The following KLHL15 variants were observed in gnomAD, a reference collection of about 807,000 sequenced individuals.
KLHL15 encodes the protein kelch like family member 15, also known as kelch-like protein 15.
KLHL15 carries 1 observed loss-of-function variant against 29.3 expected under a neutral mutation model. The observed-to-expected ratio is 0.03, with a 90% CI of 0.01 to 0.16. The LOEUF (loss-of-function observed/expected upper bound fraction) is 0.16, where lower values mean the gene tolerates loss of function less well. Ranked by LOEUF, KLHL15 falls within the 10% of genes least tolerant of loss-of-function variation. The probability of loss-of-function intolerance (pLI) is 1.00; values close to 1 mark genes in which losing one functional copy is unlikely to be tolerated. For synonymous variants in KLHL15, 212 were observed against 184.5 expected (o/e 1.15, Z -1.21); for missense variants, 215 against 478.5 (o/e 0.45, Z 5.14).
At position 24,025,346 on chromosome X, in the gene KLHL15, AAAGGGGCGGGG is replaced by A. The variant is rs778217475; in HGVS notation, c.-209-299_-209-289del. Among the ~76,000 whole-genome samples, 675 of 107,827 alleles carry A rather than the reference AAAGGGGCGGGG, an allele frequency of 6.3e-3. 3 individuals carry two copies. Among genetic ancestry groups the A allele is most frequent in the Non-Finnish European group, 0.011 (581 of 51,365 alleles). The allele number at this position is 107,827 out of a possible 115,157, so 93.6% of individuals were successfully genotyped here. A position where few individuals can be genotyped will look rare whatever the true frequency, so the allele number is the denominator to read the frequency against. ...CACGCCGGGGGTGGAGGAAGGCGGG[AAAGGGGCGGGG>A]AAGGGGCGGGGCGTGCGGGGCCACG... is the stretch of plus-strand genomic sequence containing the variant. On this transcript the variant is annotated intron_variant, in intron 1 of 3. Coordinates refer to ENST00000328046, the MANE Select transcript of KLHL15 (RefSeq NM_030624.3).
chrX:23,996,834 G>A (rs1315318545), intron 3 of KLHL15, among the ~76,000 whole-genome samples: 2 of 111,584 alleles, frequency 1.8e-5, no homozygotes, highest in African/African-American at 6.5e-5. Context: ...ATTGATTTAC[G>A]TAAAACAAAA....
intron 2 of KLHL15, among the ~76,000 whole-genome samples, chrX:24,012,857 C>T (rs755029913): frequency 1.4e-4 from 16 of 111,476 alleles, no homozygotes; most frequent in Non-Finnish European, 2.6e-4. Flanking sequence ...GATTCTACCA[C>T]ATTAAAGGTT....
chrX:24,026,157 C>G (rs1480072756), intron 1 of KLHL15, among the ~76,000 whole-genome samples: 1 of 111,978 alleles, frequency 8.9e-6, no homozygotes, highest in Non-Finnish European at 1.9e-5. Context: ...TATTGCGTCA[C>G]TGTCCACTTG....
At chrX:24,019,624 A>T (rs1340535718) in intron 2 of KLHL15, among the ~76,000 whole-genome samples, 4 of 107,278 alleles carry the variant, frequency 3.7e-5, no homozygotes, top group African/African-American at 1.4e-4. Context: ...GAACAACTGA[A>T]AGTGTAAGAG....
chrX:24,021,424 C>A (rs1929801453), intron 2 of KLHL15, among the ~76,000 whole-genome samples: 1 of 111,185 alleles, frequency 9.0e-6, no homozygotes, highest in South Asian at 3.7e-4. Context: ...GCCCCATCAA[C>A]CTGACAATCC....
At chrX:23,989,124 T>G in intron 3 of KLHL15, 94 bp from the exon 4 acceptor site, 1 of 732,102 alleles carries the variant, frequency 1.4e-6, no homozygotes, top group Non-Finnish European at 1.9e-6. Flanking sequence ...TTAGGCTCAC[T>G]TTACTAAAAC....
At chrX:24,007,507 AAATATATAT>A (rs1490184889) in intron 2 of KLHL15, among the ~76,000 whole-genome samples, 119 of 51,881 alleles carry the variant, frequency 2.3e-3, no homozygotes, top group African/African-American at 0.011. Flanking sequence ...AAAAAAAAAA[AAATATATAT>A]ATATATATAT....
intron 1 of KLHL15, among the ~76,000 whole-genome samples, chrX:24,026,713 T>A (rs1319824932): frequency 9.0e-6 from 1 of 111,431 alleles, no homozygotes; most frequent in African/African-American, 3.3e-5. Flanking sequence ...GCACACGGTG[T>A]ACTGTTTTGC....
intron 3 of KLHL15, among the ~76,000 whole-genome samples, chrX:24,002,473 A>T (rs961182348): frequency 8.9e-6 from 1 of 112,483 alleles, no homozygotes; most frequent in Non-Finnish European, 1.9e-5. Flanking sequence ...TAACTATGTC[A>T]GAAGGACAAG....
At chrX:24,009,401 G>A (rs1439633223) in intron 2 of KLHL15, among the ~76,000 whole-genome samples, 9 of 111,352 alleles carry the variant, frequency 8.1e-5, no homozygotes, top group Non-Finnish European at 1.7e-4. Context: ...GGGAGGCTGA[G>A]GCAGGAGAAT....
Position 23,996,136 on chromosome X carries a change from G to C in KLHL15, c.706-7106C>G, listed in dbSNP as rs571687172. On this transcript the variant is annotated intron_variant, in intron 3 of 3. Coordinates refer to ENST00000328046, the MANE Select transcript of KLHL15 (RefSeq NM_030624.3). ...ATTAGTTTATCTATCAGAAGGGGTG[G>C]AAGTGGGGGAGCAATTCCTGAACTT... 5.3e-5 allele frequency among the ~76,000 whole-genome samples: 6 copies of C among 112,255 alleles called. No homozygotes were observed. In the South Asian group the frequency reaches 1.5e-3, roughly 28 times the overall value.
intron 2 of KLHL15, among the ~76,000 whole-genome samples, chrX:24,016,581 C>T (rs1436579125): frequency 9.3e-6 from 1 of 107,483 alleles, no homozygotes; most frequent in Non-Finnish European, 1.9e-5. Context: ...GTGGGAGAAT[C>T]GCTTGAACCC....
intron 3 of KLHL15, among the ~76,000 whole-genome samples, chrX:23,999,152 G>A (rs1295186801): frequency 9.1e-6 from 1 of 110,422 alleles, no homozygotes; most frequent in Non-Finnish European, 1.9e-5. Context: ...CAGGTGATCT[G>A]CCCACCTTGG....
chrX:24,017,924 C>T (rs1929723778), intron 2 of KLHL15, among the ~76,000 whole-genome samples: 1 of 110,634 alleles, frequency 9.0e-6, no homozygotes, highest in Admixed American at 9.8e-5. Context: ...GCAATGTGGC[C>T]AGACCTCTTC....
At chrX:24,003,284 C>G (rs1380206885) in intron 3 of KLHL15, among the ~76,000 whole-genome samples, 7 of 109,523 alleles carry the variant, frequency 6.4e-5, no homozygotes, top group South Asian at 3.9e-4. Context: ...GGTGGCTCAC[C>G]CCTGTAATCC....
At chrX:23,995,280 G>A (rs912268295) in intron 3 of KLHL15, among the ~76,000 whole-genome samples, 24 of 109,576 alleles carry the variant, frequency 2.2e-4, no homozygotes, top group Middle Eastern at 4.6e-3. Flanking sequence ...GTTGGTGTGC[G>A]CCTGTAGTCC....
chrX:23,996,807 T>A (rs1036450383), intron 3 of KLHL15, among the ~76,000 whole-genome samples: 1 of 112,181 alleles, frequency 8.9e-6, no homozygotes, highest in Non-Finnish European at 1.9e-5. Flanking sequence ...AAAATCTTGC[T>A]CAGAACTAAA....
At chrX:24,023,126 T>C (rs1487151468) in intron 2 of KLHL15, among the ~76,000 whole-genome samples, 1 of 111,829 alleles carries the variant, frequency 8.9e-6, no homozygotes, top group African/African-American at 3.3e-5. Flanking sequence ...TTCACCCTTA[T>C]ACTGTACAAT....
intron 3 of KLHL15, among the ~76,000 whole-genome samples, chrX:23,992,028 T>A (rs913093068): frequency 8.9e-6 from 1 of 111,889 alleles, no homozygotes; most frequent in Non-Finnish European, 1.9e-5. Flanking sequence ...AATTAAATAT[T>A]TAAGTGCCTA....
Sources: allele counts gnomAD v4.1 joint callset (sites outside exome capture counted in the v4.1 genomes callset), GRCh38; gene constraint gnomAD v4.1.1; transcripts MANE v1.5; gene names NCBI Gene and HGNC (gene_info 2026-07-23, HGNC 2026-07-21).